Variants in RRAS2 observed in about 807,000 individuals in gnomAD.
RRAS2 encodes ras-related protein R-Ras2.
Under a neutral mutation model 27.6 loss-of-function variants are expected in RRAS2, and 7 were observed. The observed-to-expected ratio is 0.25, with a 90% CI of 0.14 to 0.48. The LOEUF is 0.48. Among genes scored for constraint, RRAS2 ranks in the 20% least tolerant of loss-of-function variants. The pLI, the probability that RRAS2 is intolerant of heterozygous loss-of-function variation, is 0.99. For missense variants in RRAS2, 178 were observed against 256.2 expected (o/e 0.69, Z 2.08); for synonymous variants, 86 against 90.9 (o/e 0.95, Z 0.31).
chr11:14,296,021 A>T (rs993742837), intron 1 of RRAS2, 166 bp from the exon 2 acceptor site: 7 of 466,326 alleles, frequency 1.5e-5, no homozygotes, highest in East Asian at 7.4e-5. Flanking sequence ...AAAAAAAATT[A>T]AAAAATTAAA....
chr11:14,280,301 G>A (rs1849488752), intron 5 of RRAS2, among the ~76,000 whole-genome samples: 1 of 151,480 alleles, frequency 6.6e-6, no homozygotes, highest in South Asian at 2.1e-4. Flanking sequence ...AATGGGACTG[G>A]GATTTTTAAC....
chr11:14,285,970 G>A (rs1849651988), intron 4 of RRAS2, among the ~76,000 whole-genome samples: 1 of 152,060 alleles, frequency 6.6e-6, no homozygotes, highest in South Asian at 2.1e-4. Context: ...TTGGATGTGT[G>A]TATTTTTCAT....
chr11:14,353,064 G>C (rs1197155071), intron 1 of RRAS2, among the ~76,000 whole-genome samples: 1 of 152,052 alleles, frequency 6.6e-6, no homozygotes, highest in African/African-American at 2.4e-5. Context: ...CTCTCAAAGT[G>C]CTGGGATTAC....
intron 1 of RRAS2, among the ~76,000 whole-genome samples, chr11:14,318,049 C>A (rs1848150247): frequency 6.6e-6 from 1 of 152,162 alleles, no homozygotes; most frequent in Admixed American, 6.6e-5. Flanking sequence ...CATGATATTT[C>A]CCCTCACTGT....
At chr11:14,293,148 T>TATAC (rs1847459111) in intron 4 of RRAS2, among the ~76,000 whole-genome samples, 1 of 134,982 alleles carries the variant, frequency 7.4e-6, no homozygotes, top group African/African-American at 2.8e-5. Context: ...TATATATATA[T>TATAC]ATATATATAT....
At chr11:14,294,960 T>C (rs1378721898) in intron 2 of RRAS2, 98 bp from the exon 3 acceptor site, 3 of 922,648 alleles carry the variant, frequency 3.3e-6, no homozygotes, top group South Asian at 1.5e-5. Context: ...GAGAGCCTCA[T>C]ACTTGGTATA....
chr11:14,316,908 T>G (rs1848120581), intron 1 of RRAS2, among the ~76,000 whole-genome samples: 1 of 152,134 alleles, frequency 6.6e-6, no homozygotes, highest in South Asian at 2.1e-4. Flanking sequence ...CTTCAAGGAG[T>G]CTACTTATAG....
At chr11:14,330,875 T>C (rs573365468) in intron 1 of RRAS2, among the ~76,000 whole-genome samples, 1 of 152,260 alleles carries the variant, frequency 6.6e-6, no homozygotes, top group South Asian at 2.1e-4. Context: ...TTATCAACAA[T>C]AGGAGTAACT....
chr11:14,312,761 T>C (rs1447792377), intron 1 of RRAS2, among the ~76,000 whole-genome samples: 1 of 152,228 alleles, frequency 6.6e-6, no homozygotes, highest in Non-Finnish European at 1.5e-5. Flanking sequence ...TGAAGACATA[T>C]AGGTCTATGG....
At chr11:14,317,249 G>C (rs1172197234) in intron 1 of RRAS2, among the ~76,000 whole-genome samples, 1 of 152,170 alleles carries the variant, frequency 6.6e-6, no homozygotes, top group African/African-American at 2.4e-5. Flanking sequence ...TTTGCAAAAT[G>C]CAAGACAGAC....
At chr11:14,302,159 GCTCCTGCT>G (rs1847731843) in intron 1 of RRAS2, among the ~76,000 whole-genome samples, 2 of 148,398 alleles carry the variant, frequency 1.3e-5, no homozygotes, top group South Asian at 4.3e-4. Context: ...TCCTTCTTGA[GCTCCTGCT>G]CAGCTCACCC....
At chr11:14,293,249 T>C (rs368428732) in intron 4 of RRAS2, among the ~76,000 whole-genome samples, 7 of 147,284 alleles carry the variant, frequency 4.8e-5, no homozygotes, top group Non-Finnish European at 8.9e-5. Context: ...AGTTACAAAA[T>C]AGAAAGCTGC....
chr11:14,282,434 G>A (rs1281159012), intron 4 of RRAS2, among the ~76,000 whole-genome samples: 12 of 152,248 alleles, frequency 7.9e-5, no homozygotes, highest in African/African-American at 2.9e-4. Flanking sequence ...GCTGATTGAT[G>A]TATAAAATGG....
chr11:14,358,324 T>G lies in RRAS2; in HGVS notation c.108+439A>C, dbSNP rs926116320. On this transcript the variant is annotated intron_variant, in intron 1 of 5. Coordinates refer to ENST00000256196, the MANE Select transcript of RRAS2 (RefSeq NM_012250.6). The surrounding 1 kb of genome is among the most constrained non-coding windows in gnomAD (Gnocchi z 5.1). ...GAGACCACGCGGAGCCGCGGCCAAG[T>G]TGCCACCGCTATCGCCCCGACGGTG... 4.1e-6 allele frequency: 4 copies of G among 985,344 alleles called. No individual in the cohort carries two copies. The African/African-American group carries it at 7.0e-5, about 17-fold the overall frequency. The allele number at this position is 985,344 out of a possible 1,614,324, so 61.0% of individuals were successfully genotyped here.
chr11:14,298,870 A>T (rs1212639688), intron 1 of RRAS2, among the ~76,000 whole-genome samples: 1 of 152,222 alleles, frequency 6.6e-6, no homozygotes. Flanking sequence ...TAACAAATAC[A>T]GGCATCACCT....
At chr11:14,324,955 G>C (rs1482614972) in intron 1 of RRAS2, among the ~76,000 whole-genome samples, 1 of 152,188 alleles carries the variant, frequency 6.6e-6, no homozygotes, top group African/African-American at 2.4e-5. Context: ...AAAAAAGCGA[G>C]ATTGAGGGGA....
intron 1 of RRAS2, among the ~76,000 whole-genome samples, chr11:14,352,781 G>GGAGA (rs376706893): frequency 7.7e-6 from 1 of 129,074 alleles, no homozygotes; most frequent in Non-Finnish European, 1.7e-5. Context: ...AGAGAGAGAG[G>GGAGA]GAGAGAGAGA....
intron 1 of RRAS2, among the ~76,000 whole-genome samples, chr11:14,314,312 G>C (rs1420938893): frequency 6.6e-6 from 1 of 152,174 alleles, no homozygotes; most frequent in Non-Finnish European, 1.5e-5. Flanking sequence ...TACAAGGAGA[G>C]TTTTATTGTC....
At chr11:14,339,761 T>G (rs983851173) in intron 1 of RRAS2, among the ~76,000 whole-genome samples, 1 of 152,206 alleles carries the variant, frequency 6.6e-6, no homozygotes, top group Non-Finnish European at 1.5e-5. Context: ...ATTTTGATAT[T>G]TGAATTTAAA....
Sources: allele counts gnomAD v4.1 joint callset (sites outside exome capture counted in the v4.1 genomes callset), GRCh38; gene constraint gnomAD v4.1.1; non-coding constraint Gnocchi (gnomAD v3.1); transcripts MANE v1.5; gene names NCBI Gene and HGNC (gene_info 2026-07-23, HGNC 2026-07-21).